PDCL3: variants seen among roughly 807,000 people sequenced by gnomAD.
PDCL3 encodes the protein phosducin like 3.
In PDCL3, 22 loss-of-function variants were observed where a neutral mutation model predicts 26.5. That is an observed-to-expected ratio of 0.83 (90% CI 0.59 to 1.19). The LOEUF (loss-of-function observed/expected upper bound fraction) is 1.19. Among genes scored for constraint, PDCL3 ranks in the 50% most tolerant of loss-of-function variants. The probability of loss-of-function intolerance (pLI) is 0.00; values close to 1 mark genes in which losing one functional copy is unlikely to be tolerated. For synonymous variants in PDCL3, 81 were observed against 104.9 expected (o/e 0.77, Z 1.39); for missense variants, 246 against 294.1 (o/e 0.84, Z 1.20).
intron 1 of PDCL3, chr2:100,563,622 CT>C (rs57393508): frequency 0.16 from 22,569 of 143,534 alleles, 2,164 homozygotes; most frequent in Admixed American, 0.28. Context: ...CTGTTTCGTC[CT>C]TTTTTTTTTT....
intron 4 of PDCL3, among the ~76,000 whole-genome samples, chr2:100,570,724 T>C (rs1188955803): frequency 6.6e-6 from 1 of 151,736 alleles, no homozygotes; most frequent in Non-Finnish European, 1.5e-5. Context: ...GATCCACTCA[T>C]CTTGGCCTCC....
chr2:100,564,436 A>G (rs1021825909), intron 1 of PDCL3, among the ~76,000 whole-genome samples: 1 of 152,104 alleles, frequency 6.6e-6, no homozygotes, highest in Non-Finnish European at 1.5e-5. Context: ...AGCTGGGACT[A>G]CAGGCGCCCG....
intron 5 of PDCL3, among the ~76,000 whole-genome samples, chr2:100,575,296 T>C (rs2970999): frequency 0.012 from 1,837 of 152,182 alleles, 13 homozygotes; most frequent in Non-Finnish European, 0.019. Context: ...CCACCATGCC[T>C]GGCTAATTTT....
intron 5 of PDCL3, among the ~76,000 whole-genome samples, 196 bp from the exon 6 acceptor site, chr2:100,576,158 C>T (rs905980928): frequency 2.6e-5 from 4 of 152,128 alleles, no homozygotes; most frequent in African/African-American, 7.2e-5. Flanking sequence ...ATGTCTGCAA[C>T]CTCTACCTCC....
chr2:100,568,981 G>A lies in PDCL3; in HGVS notation c.184G>A (p.Glu62Lys), dbSNP rs745759200. 11 of 1,613,956 alleles carry A rather than the reference G, an allele frequency of 6.8e-6. No individual in the cohort carries two copies. Among genetic ancestry groups the A allele is most frequent in the African/African-American group, 5.3e-5 (4 of 74,922 alleles). ...GGAAGAGCTGGAGGATCATGAAGAC[G>A]AGTTTAATGAGGAGGATGAACGTGC... ...TLEELEDHEDEFNEEDERAIE... is the reference protein window; with the variant it reads ...TLEELEDHEDKFNEEDERAIE... Residue 62 changes from glutamate to lysine, a missense_variant, in exon 3 of 6, where the codon GAG becomes AAG. Glu to Lys is a moderately conservative substitution (Grantham distance 56). Coordinates refer to ENST00000264254, the MANE Select transcript of PDCL3 (RefSeq NM_024065.5).
intron 2 of PDCL3, among the ~76,000 whole-genome samples, chr2:100,568,368 C>G (rs1467425158): frequency 8.1e-6 from 1 of 123,298 alleles, no homozygotes; most frequent in African/African-American, 3.2e-5. Context: ...AGTAGGGCGG[C>G]TGGCTCACTC....
chr2:100,571,884 T>G (rs1357006871), intron 5 of PDCL3, 86 bp downstream of exon 5: 2 of 1,338,906 alleles, frequency 1.5e-6, no homozygotes, highest in African/African-American at 3.0e-5. Flanking sequence ...GGACTCCTGT[T>G]ACGATGGTGG....
chr2:100,568,768 C>T (rs1193638796), intron 2 of PDCL3, among the ~76,000 whole-genome samples, 163 bp from the exon 3 acceptor site: 1 of 149,504 alleles, frequency 6.7e-6, no homozygotes, highest in Non-Finnish European at 1.5e-5. Context: ...CCTGGCCTCT[C>T]AGCTTCTAAT....
chr2:100,568,557 G>A (rs1018940347), intron 2 of PDCL3, among the ~76,000 whole-genome samples: 6 of 152,118 alleles, frequency 3.9e-5, no homozygotes, highest in Non-Finnish European at 8.8e-5. Flanking sequence ...GCTTGAATCT[G>A]GGAGGCGGAG....
Position 100,563,002 on chromosome 2 carries a change from C to T in PDCL3, c.-66C>T. ...GGCGTGGCGGCGCTGTGCGCGTGCA[C>T]AAAAGAGAGCTGAGGGGCGGGGGCG... On this transcript the variant is annotated 5_prime_UTR_variant, in exon 1 of 6. Coordinates refer to ENST00000264254, the MANE Select transcript of PDCL3 (RefSeq NM_024065.5). 1 of 1,569,664 alleles carries T rather than the reference C, an allele frequency of 6.4e-7. No homozygotes were observed. The highest frequency in any genetic ancestry group is 8.6e-7 in the Non-Finnish European group (1 of 1,158,034).
intron 5 of PDCL3, among the ~76,000 whole-genome samples, chr2:100,572,486 A>G (rs1196881716): frequency 6.6e-6 from 1 of 151,704 alleles, no homozygotes. Context: ...TGCTGGGATT[A>G]CAGACGTGAG....
chr2:100,576,232 G>T, intron 5 of PDCL3, 122 bp from the exon 6 acceptor site: 1 of 1,122,428 alleles, frequency 8.9e-7, no homozygotes, highest in East Asian at 2.6e-5. Flanking sequence ...GTGAGCCATT[G>T]TGCTGGGCCA....
chr2:100,566,561 C>A lies in PDCL3; in HGVS notation c.65C>A (p.Pro22His). 2 of 1,613,878 alleles carry A rather than the reference C, an allele frequency of 1.2e-6. No individual in the cohort carries two copies. The highest frequency in any genetic ancestry group is 8.5e-7 in the Non-Finnish European group (1 of 1,179,928). Residue 22 changes from proline to histidine, a missense_variant, in exon 2 of 6, where the codon CCC becomes CAC. Physicochemically the swap from Pro to His is moderately conservative, Grantham distance 77. Transcript: ENST00000264254. The part of the protein sequence containing the change: ...DILRKKGILP[P>H]KESLKELEEE... ...TTACGCAAAAAGGGTATCTTACCCC[C>A]CAAGGAAAGTCTGAAAGAATTGGAA... is the stretch of plus-strand genomic sequence containing the variant.
intron 5 of PDCL3, among the ~76,000 whole-genome samples, chr2:100,575,282 C>T (rs536245573): frequency 2.6e-5 from 4 of 152,106 alleles, no homozygotes; most frequent in African/African-American, 4.8e-5. Flanking sequence ...ACTACAGGCA[C>T]CTGCCACCAT....
At position 100,566,267 on chromosome 2, in the gene PDCL3, C is replaced by A. The variant is rs903856723; in HGVS notation, c.7-236C>A. Among the ~76,000 whole-genome samples the A allele has an allele frequency of 2.6e-5, 4 of 152,188 alleles. No individual in the cohort carries two copies. The East Asian group carries it at 7.7e-4, about 29-fold the overall frequency. On this transcript the variant is annotated intron_variant, in intron 1 of 5. Transcript: ENST00000264254. ...CAGAGCCTTGGTATCCGTATTGATACTGATCTGCACTCCCTATCCTAATTT... is the reference window on the plus strand; with the variant it reads ...CAGAGCCTTGGTATCCGTATTGATAATGATCTGCACTCCCTATCCTAATTT...
chr2:100,571,599 C>G lies in PDCL3; in HGVS notation c.378C>G (p.Leu126=), dbSNP rs143673019. Residue 126 remains leucine, a synonymous_variant, in exon 5 of 6, where the codon CTC becomes CTG. Transcript: ENST00000264254. ...TATGTGTGTTTTATAGAATTCCCCT[C>G]TGTGCCCTGATAAATCAGCACCTCA... ...ILHLYKQGIP[L]CALINQHLSG... 6.2e-7 allele frequency: 1 copy of G among 1,612,702 alleles called. No individual in the cohort carries two copies. The highest frequency in any genetic ancestry group is 1.3e-5 in the African/African-American group (1 of 74,930).
intron 1 of PDCL3, 88 bp downstream of exon 1, chr2:100,563,161 G>T: frequency 6.7e-7 from 1 of 1,484,158 alleles, no homozygotes; most frequent in South Asian, 1.3e-5. Flanking sequence ...CCCGCCCTGG[G>T]GGAAGCTCCG....
intron 2 of PDCL3, 97 bp downstream of exon 2, chr2:100,566,726 T>C: frequency 6.5e-7 from 1 of 1,542,842 alleles, no homozygotes; most frequent in East Asian, 2.3e-5. Context: ...AGTGCCAGCA[T>C]GGACACTCTG....
intron 5 of PDCL3, among the ~76,000 whole-genome samples, chr2:100,574,132 T>G (rs1675234771): frequency 6.6e-6 from 1 of 152,040 alleles, no homozygotes; most frequent in African/African-American, 2.4e-5. Flanking sequence ...GCCTCCTGAG[T>G]AGCTGGGACT....
Sources: allele counts gnomAD v4.1 joint callset (sites outside exome capture counted in the v4.1 genomes callset), GRCh38; gene constraint gnomAD v4.1.1; transcripts MANE v1.5; gene names NCBI Gene and HGNC (gene_info 2026-07-23, HGNC 2026-07-21).